The following ULK2 variants were observed in gnomAD, a reference collection of about 807,000 sequenced individuals.
ULK2 encodes the protein serine/threonine-protein kinase ULK2.
ULK2 carries 76 observed loss-of-function variants against 127.5 expected under a neutral mutation model. The ratio of observed to expected loss-of-function variants is 0.60; its 90% CI spans 0.50 to 0.72. ULK2 has a LOEUF of 0.72. ULK2 is among the 30% of genes least tolerant of loss of function. The pLI, the probability that ULK2 is intolerant of heterozygous loss-of-function variation, is 0.00. For synonymous variants in ULK2, 452 were observed against 461.9 expected, an observed-to-expected ratio of 0.98 and a Z score of 0.28; for missense variants, 1,144 against 1,295.9, an observed-to-expected ratio of 0.88 and a Z score of 1.80.
chr17:19,832,051 G>A (rs2041465739), intron 10 of ULK2, among the ~76,000 whole-genome samples: 1 of 151,282 alleles, frequency 6.6e-6, no homozygotes, highest in African/African-American at 2.4e-5. Context: ...CTGAACCCAG[G>A]AGCTGGATGG....
At position 19,791,748 on chromosome 17, in the gene ULK2, C is replaced by T. The variant is rs7223574; in HGVS notation, c.2101+3874G>A. On this transcript the variant is annotated intron_variant, in intron 20 of 26. Coordinates refer to ENST00000395544, the MANE Select transcript of ULK2 (RefSeq NM_014683.4). ...TGGTACACACCTGTAATCCCAGCAA[C>T]GAGGGAGGCTGAGGCACAAGAATTG... 7.2e-3 allele frequency among the ~76,000 whole-genome samples: 1,063 copies of T among 147,842 alleles called. 14 individuals carry two copies. The highest frequency in any genetic ancestry group is 0.024 in the African/African-American group (961 of 39,848).
intron 3 of ULK2, among the ~76,000 whole-genome samples, chr17:19,850,478 T>C (rs1355131483): frequency 1.3e-5 from 2 of 152,152 alleles, no homozygotes; most frequent in Non-Finnish European, 1.5e-5. Flanking sequence ...ATAACTAAAA[T>C]TTAGATTGAA....
At chr17:19,846,953 CA>C (rs745579857) in intron 5 of ULK2, 43 bp from the exon 6 acceptor site, 4 of 1,549,818 alleles carry the variant, frequency 2.6e-6, no homozygotes. Context: ...CACACAAAAT[CA>C]AATACCATCT....
intron 25 of ULK2, among the ~76,000 whole-genome samples, chr17:19,779,979 C>T (rs1409199001): frequency 2.0e-5 from 3 of 151,892 alleles, no homozygotes; most frequent in South Asian, 2.1e-4. Flanking sequence ...TTGGAAACCA[C>T]CCTGGCCAAC....
At chr17:19,793,192 C>G (rs1432225766) in intron 20 of ULK2, among the ~76,000 whole-genome samples, 1 of 152,062 alleles carries the variant, frequency 6.6e-6, no homozygotes, top group Admixed American at 6.5e-5. Flanking sequence ...GGAAGAGCCC[C>G]TTATAAAACC....
intron 20 of ULK2, among the ~76,000 whole-genome samples, chr17:19,790,687 T>C (rs2087133249): frequency 6.6e-6 from 1 of 152,178 alleles, no homozygotes; most frequent in Non-Finnish European, 1.5e-5. Context: ...AACTAAACTC[T>C]TCAGCCATGA....
At chr17:19,841,955 G>A (rs559211868) in intron 8 of ULK2, among the ~76,000 whole-genome samples, 7 of 152,114 alleles carry the variant, frequency 4.6e-5, no homozygotes, top group African/African-American at 1.7e-4. Context: ...TATTCTGAAG[G>A]TTACACGGCC....
At position 19,846,886 on chromosome 17, in the gene ULK2, G is replaced by A. The variant is rs763647355; in HGVS notation, c.320C>T (p.Thr107Met). ...LQAKGTLSED[T>M]IRVFLHQIAA... ...AATCTGATGCAGAAACACTCTGATC[G>A]TGTCTTCACTGAGAGTCCCTTTCGC... Residue 107 changes from threonine to methionine, a missense_variant, in exon 6 of 27, where the codon ACG (threonine) becomes ATG (methionine). Around this residue, in one of 2 missense-constraint regions of ULK2, gnomAD observed 231 missense variants for 325.4 expected, o/e 0.71. Coordinates refer to ENST00000395544, the MANE Select transcript of ULK2 (RefSeq NM_014683.4). 1.2e-5 allele frequency: 20 copies of A among 1,611,936 alleles called. No individual in the cohort carries two copies. The highest frequency in any genetic ancestry group is 6.6e-5 in the South Asian group (6 of 90,422).
At chr17:19,858,702 G>A (rs2042181602) in intron 3 of ULK2, among the ~76,000 whole-genome samples, 1 of 152,184 alleles carries the variant, frequency 6.6e-6, no homozygotes, top group Non-Finnish European at 1.5e-5. Context: ...GGGCGCAGTG[G>A]CTCACATCTG....
intron 20 of ULK2, among the ~76,000 whole-genome samples, chr17:19,793,025 G>A (rs1198863312): frequency 2.0e-5 from 3 of 152,086 alleles, no homozygotes; most frequent in South Asian, 2.1e-4. Context: ...ATAACTGCCC[G>A]AGACTGGGAA....
intron 3 of ULK2, among the ~76,000 whole-genome samples, chr17:19,850,135 C>G (rs1433867381): frequency 6.6e-6 from 1 of 152,186 alleles, no homozygotes; most frequent in African/African-American, 2.4e-5. Context: ...TGGGGAAACA[C>G]TTCCACTTTG....
intron 20 of ULK2, among the ~76,000 whole-genome samples, chr17:19,788,541 C>G (rs1334481260): frequency 6.6e-6 from 1 of 151,838 alleles, no homozygotes; most frequent in South Asian, 2.1e-4. Flanking sequence ...GAAGAGTCCT[C>G]GGGCCCTGAA....
At chr17:19,846,566 G>A (rs1484443839) in intron 6 of ULK2, among the ~76,000 whole-genome samples, 171 bp downstream of exon 6, 1 of 151,690 alleles carries the variant, frequency 6.6e-6, no homozygotes, top group Non-Finnish European at 1.5e-5. Context: ...CTTGAACCCA[G>A]GAGGCGTAGG....
intron 3 of ULK2, 101 bp from the exon 4 acceptor site, chr17:19,849,875 G>C (rs979051762): frequency 2.9e-6 from 2 of 685,060 alleles, no homozygotes; most frequent in Non-Finnish European, 2.4e-6. Context: ...TATTAAAACT[G>C]GTAAAATGAA....
chr17:19,823,302 T>C lies in ULK2; in HGVS notation c.924+1792A>G, dbSNP rs542263545. On this transcript the variant is annotated intron_variant, in intron 12 of 26. Coordinates refer to ENST00000395544, the MANE Select transcript of ULK2 (RefSeq NM_014683.4). ...TCCTGCCTCTCTTCACTCCTCCAGT[T>C]AGTTCTACATTCAGCTACTCCTTGG... 1.3e-4 allele frequency among the ~76,000 whole-genome samples: 20 copies of C among 152,132 alleles called. No individual in the cohort carries two copies. The East Asian group carries it at 3.5e-3, about 27-fold the overall frequency.
chr17:19,842,163 C>G (rs28661916), intron 8 of ULK2, among the ~76,000 whole-genome samples: 2,077 of 151,216 alleles, frequency 0.014, 45 homozygotes, highest in East Asian at 0.06. Context: ...AAGTGTTTAA[C>G]CTGGCTGTGT....
At chr17:19,860,140 G>T (rs200401885) in intron 3 of ULK2, among the ~76,000 whole-genome samples, 15 of 128,364 alleles carry the variant, frequency 1.2e-4, no homozygotes, top group Non-Finnish European at 2.0e-4. Context: ...TAAATGTTTA[G>T]AAAATTCTAA....
chr17:19,857,153 G>A (rs1439556952), intron 3 of ULK2, among the ~76,000 whole-genome samples: 2 of 150,918 alleles, frequency 1.3e-5, no homozygotes, highest in Non-Finnish European at 3.0e-5. Context: ...CAAAAATACA[G>A]ACATTAGCCA....
chr17:19,864,562 A>G (rs529206756), intron 3 of ULK2, among the ~76,000 whole-genome samples: 3 of 152,286 alleles, frequency 2.0e-5, no homozygotes, highest in African/African-American at 7.2e-5. Flanking sequence ...ACTTCACCTA[A>G]AACAATGCTA....
Sources: allele counts gnomAD v4.1 joint callset (sites outside exome capture counted in the v4.1 genomes callset), GRCh38; gene constraint gnomAD v4.1.1; regional missense constraint gnomAD v4.1.1; transcripts MANE v1.5; gene names NCBI Gene and HGNC (gene_info 2026-07-23, HGNC 2026-07-21).